The following MYO5A variants were observed in gnomAD, a reference collection of about 807,000 sequenced individuals.
MYO5A encodes the protein unconventional myosin-Va.
A neutral mutation model predicts 249.7 loss-of-function variants in MYO5A; 98 were observed. The observed-to-expected ratio is 0.39, with a 90% confidence interval of 0.33 to 0.46. The LOEUF (loss-of-function observed/expected upper bound fraction) is 0.46. Ranked by LOEUF, MYO5A falls within the 20% of genes least tolerant of loss-of-function variation. The pLI, the probability that MYO5A is intolerant of heterozygous loss-of-function variation, is 0.98. For missense variants in MYO5A, 1,696 were observed against 2,308.8 expected, an observed-to-expected ratio of 0.73 and a Z score of 5.44; for synonymous variants, 778 against 810.6, an observed-to-expected ratio of 0.96 and a Z score of 0.68.
intron 7 of MYO5A, among the ~76,000 whole-genome samples, chr15:52,407,780 T>C (rs528331505): frequency 1.5e-3 from 230 of 152,004 alleles, no homozygotes; most frequent in African/African-American, 5.2e-3. Flanking sequence ...ATCAAACACA[T>C]ACAAAAGTAG....
intron 1 of MYO5A, among the ~76,000 whole-genome samples, chr15:52,437,665 G>GAA (rs2075696129): frequency 6.7e-6 from 1 of 150,090 alleles, no homozygotes; most frequent in Admixed American, 6.6e-5. Flanking sequence ...CTTGACTGAT[G>GAA]AAAACACAAA....
At chr15:52,523,320 A>C (rs1341637203) in intron 1 of MYO5A, among the ~76,000 whole-genome samples, 3 of 152,128 alleles carry the variant, frequency 2.0e-5, no homozygotes, top group Non-Finnish European at 4.4e-5. Context: ...ATCCTGTTCA[A>C]CATGCCTGAA....
Position 52,312,222 on chromosome 15 carries a change from G to C in MYO5A, c.*1474C>G, listed in dbSNP as rs572295494. 1 of 151,968 alleles carries C rather than the reference G, an allele frequency of 6.6e-6. No homozygotes were observed. The highest frequency in any genetic ancestry group is 1.5e-5 in the Non-Finnish European group (1 of 68,004). 9.4% of individuals were successfully genotyped at this position (151,968 alleles called of 1,614,324 possible). ...ATGATGCTTTTAAAATTATCTAGTG[G>C]CATCTGAGAACACTTATAGAAGCTG... On this transcript the variant is annotated 3_prime_UTR_variant, in exon 42 of 42. Transcript: ENST00000399233.
intron 1 of MYO5A, among the ~76,000 whole-genome samples, chr15:52,516,210 C>T (rs1209911229): frequency 1.3e-5 from 2 of 152,136 alleles, no homozygotes; most frequent in Non-Finnish European, 2.9e-5. Context: ...CCCTTGACTT[C>T]TATGATGTAC....
chr15:52,353,967 C>T lies in MYO5A; in HGVS notation c.3471G>A (p.Lys1157=). The change falls in exon 26 of 42, where the codon AAG becomes AAA. Residue 1157 remains lysine (K), a synonymous_variant. Coordinates refer to ENST00000399233, the MANE Select transcript of MYO5A (RefSeq NM_001382347.1). ...CCAGCTCTGTGACCCGCTTCTGGAG[C>T]TTAAGGAACAATGACATGTCCAGAG... ...KVPLDMSLFL[K]LQKRVTELEQ... The T allele has an allele frequency of 2.5e-6, 4 of 1,614,216 alleles. No individual in the cohort carries two copies. The highest frequency in any genetic ancestry group is 3.4e-6 in the Non-Finnish European group (4 of 1,180,046).
chr15:52,493,524 C>T (rs55663209), intron 1 of MYO5A, among the ~76,000 whole-genome samples: 22,824 of 151,804 alleles, frequency 0.15, 1,825 homozygotes, highest in Middle Eastern at 0.22. Context: ...CAGCTGGGCA[C>T]GGTGGCGGGC....
intron 27 of MYO5A, among the ~76,000 whole-genome samples, chr15:52,351,723 T>C (rs2039964074): frequency 6.6e-6 from 1 of 152,200 alleles, no homozygotes; most frequent in African/African-American, 2.4e-5. Flanking sequence ...GAGTCAAATG[T>C]AGTATTCTGG....
At chr15:52,397,180 C>T (rs760936350) in intron 10 of MYO5A, 21 bp downstream of exon 10, 104 of 1,612,782 alleles carry the variant, frequency 6.4e-5, no homozygotes, top group Non-Finnish European at 3.4e-5. Context: ...TCTGGCAGAC[C>T]AATTAGCCAA....
In MYO5A at chr15:52,313,720, G is replaced by A. The variant is rs797045731; in HGVS notation, c.5619C>T (p.Gly1873=). 2 of 1,614,052 alleles carry A rather than the reference G, an allele frequency of 1.2e-6. No individual in the cohort carries two copies. Among genetic ancestry groups the A allele is most frequent in the Non-Finnish European group, 1.7e-6 (2 of 1,180,044 alleles). ...LETIQIPASL[G]LGFISRV ...TTCAGACCCGTGAAATGAAGCCCAG[G>A]CCGAGGCTGGCTGGAATCTGGATGG... Residue 1873 remains glycine (G), a synonymous_variant, in exon 42 of 42, where the codon GGC becomes GGT. Transcript: ENST00000399233.
intron 1 of MYO5A, among the ~76,000 whole-genome samples, chr15:52,433,838 G>C (rs1485944946): frequency 1.3e-5 from 2 of 152,052 alleles, no homozygotes; most frequent in Non-Finnish European, 2.9e-5. Flanking sequence ...GCTTGACTTT[G>C]CTTTACACAG....
chr15:52,389,523 A>G (rs951921055), intron 12 of MYO5A, among the ~76,000 whole-genome samples, 160 bp from the exon 13 acceptor site: 2 of 152,148 alleles, frequency 1.3e-5, no homozygotes, highest in African/African-American at 4.8e-5. Context: ...TCATTGTTAG[A>G]GGCCAACAAC....
intron 24 of MYO5A, 45 bp from the exon 25 acceptor site, chr15:52,360,126 T>A: frequency 7.6e-7 from 1 of 1,313,484 alleles, no homozygotes; most frequent in Non-Finnish European, 1.1e-6. Context: ...ACATAATTAG[T>A]CTAGGCATAG....
chr15:52,358,001 T>TC (rs1214107680), intron 25 of MYO5A, among the ~76,000 whole-genome samples: 1 of 152,184 alleles, frequency 6.6e-6, no homozygotes, highest in East Asian at 1.9e-4. Context: ...TGGTGACCCT[T>TC]CCCAGAGGTG....
At chr15:52,315,759 C>T (rs532608335) in intron 40 of MYO5A, among the ~76,000 whole-genome samples, 1 of 151,990 alleles carries the variant, frequency 6.6e-6, no homozygotes, top group South Asian at 2.1e-4. Flanking sequence ...TCCAGCAATT[C>T]TCCTGCCTCA....
At chr15:52,505,907 TAAAA>T in intron 1 of MYO5A, 1 of 1,483,874 alleles carries the variant, frequency 6.7e-7, no homozygotes, top group Non-Finnish European at 8.9e-7. Flanking sequence ...CTTGAAAGAT[TAAAA>T]AAAAAATTTT....
Position 52,372,215 on chromosome 15 carries a change from T to C in MYO5A, c.2726A>G (p.Lys909Arg), listed in dbSNP as rs769513672. Residue 909 changes from lysine to arginine, a missense_variant, in exon 21 of 42, where the codon AAA becomes AGA. Lys to Arg is a conservative substitution (Grantham distance 26). Coordinates refer to ENST00000399233, the MANE Select transcript of MYO5A (RefSeq NM_001382347.1). The stretch of plus-strand genomic sequence containing the variant: ...GCGCTCCACTGAGCGAGCCTCGATT[T>C]TGAGCTTCTTTAGCTCACGCTTGGC... ...MMAKRELKKL[K>R]IEARSVERYK... 3.7e-6 allele frequency: 6 copies of C among 1,613,480 alleles called. No individual in the cohort carries two copies. In the East Asian group the frequency reaches 8.9e-5, roughly 24 times the overall value.
At chr15:52,429,486 C>T (rs1467753708) in intron 2 of MYO5A, among the ~76,000 whole-genome samples, 2 of 151,532 alleles carry the variant, frequency 1.3e-5, no homozygotes, top group African/African-American at 4.8e-5. Context: ...GTCAGGAGTT[C>T]GAGACCAGCC....
At chr15:52,472,370 C>T (rs1039637890) in intron 1 of MYO5A, among the ~76,000 whole-genome samples, 1 of 152,080 alleles carries the variant, frequency 6.6e-6, no homozygotes, top group African/African-American at 2.4e-5. Context: ...TGAGCCATCG[C>T]GACTGGCCCT....
intron 38 of MYO5A, 123 bp downstream of exon 38, chr15:52,321,236 G>A: frequency 2.3e-6 from 3 of 1,301,032 alleles, no homozygotes; most frequent in East Asian, 4.7e-5. Context: ...TTTTAGCCCT[G>A]TATCTTACTA....
Sources: allele counts gnomAD v4.1 joint callset (sites outside exome capture counted in the v4.1 genomes callset), GRCh38; gene constraint gnomAD v4.1.1; transcripts MANE v1.5; gene names NCBI Gene and HGNC (gene_info 2026-07-23, HGNC 2026-07-21).